WASHC3: variants seen among roughly 807,000 people sequenced by gnomAD.
WASHC3 encodes WASH complex subunit CCDC53.
A neutral mutation model predicts 26.1 loss-of-function variants in WASHC3; 24 were observed. That is an observed-to-expected ratio of 0.92 (90% CI 0.66 to 1.29). The LOEUF (loss-of-function observed/expected upper bound fraction) is 1.29, where lower values mean the gene tolerates loss of function less well. Among genes scored for constraint, WASHC3 ranks in the 50% most tolerant of loss-of-function variants. The probability of loss-of-function intolerance (pLI) is 0.00; values close to 1 mark genes in which losing one functional copy is unlikely to be tolerated. For missense variants in WASHC3, 214 were observed against 229.6 expected (o/e 0.93, Z 0.44); for synonymous variants, 77 against 75.7 (o/e 1.02, Z -0.09).
intron 2 of WASHC3, among the ~76,000 whole-genome samples, chr12:102,048,715 G>C (rs539368925): frequency 6.6e-6 from 1 of 151,212 alleles, no homozygotes; most frequent in South Asian, 2.1e-4. Flanking sequence ...ACATATGAAA[G>C]GATTATATAA....
chr12:102,046,002 G>T, intron 3 of WASHC3, 52 bp downstream of exon 3: 1 of 975,876 alleles, frequency 1.0e-6, no homozygotes, highest in Non-Finnish European at 1.6e-6. Flanking sequence ...GATTAAGAAA[G>T]CTGGTATATG....
At chr12:102,014,358 C>CT (rs56743158) in intron 6 of WASHC3, among the ~76,000 whole-genome samples, 2 of 151,270 alleles carry the variant, frequency 1.3e-5, no homozygotes, top group African/African-American at 4.9e-5. Context: ...GATGCGAGCC[C>CT]GTGCCTGGCC....
chr12:102,060,527 T>TGATTATA (rs1878761775), intron 2 of WASHC3, among the ~76,000 whole-genome samples: 1 of 152,242 alleles, frequency 6.6e-6, no homozygotes. Flanking sequence ...TAATCATATT[T>TGATTATA]GATGCCAAAG....
intron 6 of WASHC3, among the ~76,000 whole-genome samples, chr12:102,017,338 G>A (rs975342433): frequency 6.6e-6 from 1 of 152,146 alleles, no homozygotes; most frequent in Non-Finnish European, 1.5e-5. Context: ...GTCCTTAAGC[G>A]ATGCACGGCT....
At chr12:102,051,219 G>A (rs752423198) in intron 2 of WASHC3, among the ~76,000 whole-genome samples, 6 of 152,134 alleles carry the variant, frequency 3.9e-5, no homozygotes, top group South Asian at 2.1e-4. Flanking sequence ...CTGTCGGGGG[G>A]TGGGAAAAGT....
intron 6 of WASHC3, among the ~76,000 whole-genome samples, chr12:102,021,434 G>GCTAGC (rs1346738441): frequency 1.3e-5 from 2 of 152,150 alleles, no homozygotes; most frequent in African/African-American, 4.8e-5. Flanking sequence ...TCACTTGCTT[G>GCTAGC]CTAGCCACTC....
intron 2 of WASHC3, among the ~76,000 whole-genome samples, chr12:102,052,623 G>A (rs1219633063): frequency 1.3e-5 from 2 of 152,080 alleles, no homozygotes; most frequent in Admixed American, 1.3e-4. Flanking sequence ...CAAGGTTCAG[G>A]CCCACCCCAG....
At chr12:102,049,425 T>C (rs919735998) in intron 2 of WASHC3, among the ~76,000 whole-genome samples, 1 of 152,244 alleles carries the variant, frequency 6.6e-6, no homozygotes, top group Admixed American at 6.5e-5. Context: ...ATCGTCTTCA[T>C]GAAGACTGAA....
At chr12:102,032,498 A>G (rs1011528390) in intron 5 of WASHC3, among the ~76,000 whole-genome samples, 1 of 152,208 alleles carries the variant, frequency 6.6e-6, no homozygotes. Flanking sequence ...GTGCTGCACT[A>G]TTATGACAAA....
intron 4 of WASHC3, 32 bp downstream of exon 4, chr12:102,044,073 G>A (rs760667950): frequency 8.5e-7 from 1 of 1,175,460 alleles, no homozygotes; most frequent in South Asian, 1.4e-5. Context: ...TTTCAACCAA[G>A]AACATCTGCT....
In WASHC3 at chr12:102,029,013, T is replaced by C. The variant is rs917451676; in HGVS notation, c.436-2975A>G. Among the ~76,000 whole-genome samples the C allele has an allele frequency of 3.9e-5, 6 of 152,244 alleles. No individual in the cohort carries two copies. In the East Asian group the frequency reaches 1.2e-3, roughly 29 times the overall value. ...ATACAATTGCTAATATCTTAACTGATTCTGAGACTTACTATCACTACCTTA... is the reference window on the plus strand; with the variant it reads ...ATACAATTGCTAATATCTTAACTGACTCTGAGACTTACTATCACTACCTTA... On this transcript the variant is annotated intron_variant, in intron 5 of 6. Transcript: ENST00000240079.
intron 2 of WASHC3, among the ~76,000 whole-genome samples, chr12:102,059,321 C>A (rs1365422476): frequency 6.6e-6 from 1 of 152,044 alleles, no homozygotes; most frequent in African/African-American, 2.4e-5. Context: ...CAATTTTTAC[C>A]TGTCAATTTA....
rs372185028 is a variant in WASHC3 at position 102,021,083 on chromosome 12, AAAAAAC to A, written c.500+4885_500+4890del. ...GGCGACAAGAGCAAAATTCCATCTCAAAAAACAAAAACAAAAACAAAAACAAAAAAC... is the reference window on the plus strand; with the variant it reads ...GGCGACAAGAGCAAAATTCCATCTCAAAAAACAAAAACAAAAACAAAAAAC... On this transcript the variant is annotated intron_variant, in intron 6 of 6. Transcript: ENST00000240079. Among the ~76,000 whole-genome samples the A allele has an allele frequency of 3.4e-3, 515 of 152,282 alleles. 2 individuals carry two copies. Among genetic ancestry groups the A allele is most frequent in the African/African-American group, 0.011 (470 of 41,562 alleles).
At chr12:102,013,686 C>T (rs916083950) in intron 6 of WASHC3, among the ~76,000 whole-genome samples, 1 of 152,090 alleles carries the variant, frequency 6.6e-6, no homozygotes, top group South Asian at 2.1e-4. Context: ...AATTTTGTAG[C>T]GAAGGAGAGT....
chr12:102,057,592 T>C (rs1878640601), intron 2 of WASHC3, among the ~76,000 whole-genome samples: 1 of 151,362 alleles, frequency 6.6e-6, no homozygotes, highest in African/African-American at 2.4e-5. Context: ...AAAATCAACA[T>C]ACAAAAATCA....
chr12:102,056,155 T>C (rs569432196), intron 2 of WASHC3, among the ~76,000 whole-genome samples: 1 of 152,368 alleles, frequency 6.6e-6, no homozygotes, highest in East Asian at 1.9e-4. Flanking sequence ...AGTTTATTTT[T>C]ACAGTCTACT....
chr12:102,051,713 GGCAT>G (rs1478226698), intron 2 of WASHC3, among the ~76,000 whole-genome samples: 1 of 152,120 alleles, frequency 6.6e-6, no homozygotes, highest in East Asian at 1.9e-4. Flanking sequence ...AACTACTGGG[GGCAT>G]GCAAAGATAT....
rs757219806 is a variant in WASHC3, at chr12:102,039,915, C to T, written c.388G>A (p.Val130Ile). The change falls in exon 5 of 7, where the codon GTA (valine) becomes ATA (isoleucine). Residue 130 changes from valine (V) to isoleucine (I), a missense_variant. Transcript: ENST00000240079. ...CTGGCATATCTTGGATCCTTGGCTA[C>T]AGTTAAGATATTTTCTGCTGATACT... ...SEVSAENILT[V>I]AKDPRYARYL... The T allele has an allele frequency of 1.9e-5, 31 of 1,605,372 alleles. No homozygotes were observed. The East Asian group carries it at 6.5e-4, about 34-fold the overall frequency.
At chr12:102,019,673 A>G (rs1876867718) in intron 6 of WASHC3, among the ~76,000 whole-genome samples, 1 of 152,212 alleles carries the variant, frequency 6.6e-6, no homozygotes, top group Non-Finnish European at 1.5e-5. Context: ...TAATAAGCAT[A>G]TTTATATTTG....
Sources: allele counts gnomAD v4.1 joint callset (sites outside exome capture counted in the v4.1 genomes callset), GRCh38; gene constraint gnomAD v4.1.1; transcripts MANE v1.5; gene names NCBI Gene and HGNC (gene_info 2026-07-23, HGNC 2026-07-21).